The following SCYL2 variants were observed in gnomAD, a reference collection of about 807,000 sequenced individuals.
SCYL2 encodes the protein SCY1 like pseudokinase 2, also known as SCY1-like protein 2.
A neutral mutation model predicts 100.4 loss-of-function variants in SCYL2; 36 were observed. The ratio of observed to expected loss-of-function variants is 0.36; its 90% CI spans 0.27 to 0.47. The LOEUF (loss-of-function observed/expected upper bound fraction) is 0.47, where lower values mean the gene tolerates loss of function less well. Ranked by LOEUF, SCYL2 falls within the 20% of genes least tolerant of loss-of-function variation. The pLI is 1.00. For missense variants in SCYL2, 902 were observed against 1,083.9 expected (o/e 0.83, Z 2.36); for synonymous variants, 330 against 359.2 (o/e 0.92, Z 0.92).
At chr12:100,306,315 C>A (rs12831531) in intron 4 of SCYL2, among the ~76,000 whole-genome samples, 1 of 152,144 alleles carries the variant, frequency 6.6e-6, no homozygotes, top group Non-Finnish European at 1.5e-5. Context: ...ATGATCAAGT[C>A]GGCTTCATCC....
chr12:100,312,378 A>G (rs2096343180), intron 5 of SCYL2, 54 bp from the exon 6 acceptor site: 1 of 1,270,514 alleles, frequency 7.9e-7, no homozygotes, highest in African/African-American at 1.5e-5. Context: ...CTACTGCTTG[A>G]TAGTTGTTTG....
chr12:100,328,267 G>A (rs1167629821), intron 12 of SCYL2, among the ~76,000 whole-genome samples: 2 of 147,402 alleles, frequency 1.4e-5, no homozygotes, highest in Admixed American at 6.8e-5. Flanking sequence ...AACAGGGCAA[G>A]ACCCTGTCTT....
intron 1 of SCYL2, among the ~76,000 whole-genome samples, chr12:100,275,037 C>T (rs1001368496): frequency 1.3e-5 from 2 of 152,068 alleles, no homozygotes; most frequent in Admixed American, 6.6e-5. Context: ...CAGTATATAT[C>T]GTTCCATTTA....
rs1952310620 is a variant in SCYL2 at position 100,338,575 on chromosome 12, C to G, written c.2193C>G (p.Thr731=). 1 of 1,613,270 alleles carries G rather than the reference C, an allele frequency of 6.2e-7. No homozygotes were observed. Among genetic ancestry groups the G allele is most frequent in the Middle Eastern group, 1.7e-4 (1 of 6,040 alleles). ...DTLMDNMSSL[T]SLSVSTPKSS... ...TGATGGATAATATGTCATCCTTGAC[C>G]AGCCTTTCTGTTAGTACCCCTAAAT... Residue 731 remains threonine (T), a synonymous_variant, in exon 18 of 18, where the codon ACC becomes ACG. Transcript: ENST00000360820.
chr12:100,333,301 TA>T (rs1952234464), intron 13 of SCYL2, among the ~76,000 whole-genome samples: 1 of 152,178 alleles, frequency 6.6e-6, no homozygotes, highest in African/African-American at 2.4e-5. Flanking sequence ...GAGACAGGCT[TA>T]GAATGAATTC....
intron 4 of SCYL2, among the ~76,000 whole-genome samples, chr12:100,299,596 G>A (rs1002846387): frequency 1.3e-5 from 2 of 151,980 alleles, no homozygotes; most frequent in African/African-American, 4.8e-5. Context: ...GCATTTTCTA[G>A]AATTTTATAA....
chr12:100,278,776 C>T (rs1267837575), intron 1 of SCYL2, among the ~76,000 whole-genome samples: 4 of 151,824 alleles, frequency 2.6e-5, no homozygotes, highest in Non-Finnish European at 4.4e-5. Context: ...ACTACAGGCG[C>T]GTACCACCAT....
In SCYL2 at chr12:100,298,037, C is replaced by T; in HGVS notation, c.342C>T (p.Cys114=). ...VQHPLEESRD[C]LAFCTEPVFA... ...TTTTTCTTTTTTAAAACAGGGATTGCTTGGCATTTTGTACAGAACCAGTTT... is the reference window on the plus strand; with the variant it reads ...TTTTTCTTTTTTAAAACAGGGATTGTTTGGCATTTTGTACAGAACCAGTTT... The change falls in exon 4 of 18, where the codon TGC becomes TGT. Residue 114 remains cysteine, a synonymous_variant. Coordinates refer to ENST00000360820, the MANE Select transcript of SCYL2 (RefSeq NM_017988.6). The T allele has an allele frequency of 6.2e-7, 1 of 1,604,736 alleles. No homozygotes were observed. Among genetic ancestry groups the T allele is most frequent in the South Asian group, 1.1e-5 (1 of 88,224 alleles).
At chr12:100,300,330 A>G (rs1389467283) in intron 4 of SCYL2, among the ~76,000 whole-genome samples, 2 of 152,166 alleles carry the variant, frequency 1.3e-5, no homozygotes, top group South Asian at 2.1e-4. Flanking sequence ...GTGGCAAAAT[A>G]CCATCTTAAC....
intron 4 of SCYL2, among the ~76,000 whole-genome samples, chr12:100,302,081 TA>T (rs1448549372): frequency 2.0e-5 from 3 of 152,190 alleles, no homozygotes; most frequent in Non-Finnish European, 4.4e-5. Flanking sequence ...TTGGGGCCCT[TA>T]AAACTGCCTG....
At chr12:100,273,262 A>T (rs1327642099) in intron 1 of SCYL2, among the ~76,000 whole-genome samples, 1 of 151,558 alleles carries the variant, frequency 6.6e-6, no homozygotes, top group African/African-American at 2.4e-5. Context: ...TTGTGATTTT[A>T]CTCCTACAAT....
intron 1 of SCYL2, among the ~76,000 whole-genome samples, chr12:100,273,288 C>T (rs1341327023): frequency 6.6e-6 from 1 of 152,134 alleles, no homozygotes; most frequent in Non-Finnish European, 1.5e-5. Flanking sequence ...TATTCTCTAT[C>T]CAGTTTACTC....
At chr12:100,295,489 A>G (rs2135863148) in intron 3 of SCYL2, among the ~76,000 whole-genome samples, 2 of 152,194 alleles carry the variant, frequency 1.3e-5, no homozygotes, top group Non-Finnish European at 2.9e-5. Context: ...CGCGGTTAGG[A>G]GCTGGAGACC....
intron 8 of SCYL2, 107 bp downstream of exon 8, chr12:100,314,721 G>A: frequency 8.9e-7 from 1 of 1,125,066 alleles, no homozygotes; most frequent in South Asian, 1.5e-5. Context: ...TTTGCCTGAG[G>A]TACATAAATG....
chr12:100,304,468 C>T (rs1592948718), intron 4 of SCYL2, among the ~76,000 whole-genome samples: 1 of 152,112 alleles, frequency 6.6e-6, no homozygotes, highest in Non-Finnish European at 1.5e-5. Context: ...TGCACCATCC[C>T]TCATGGGACA....
chr12:100,336,720 A>G (rs1027982560), intron 16 of SCYL2, among the ~76,000 whole-genome samples: 1 of 152,078 alleles, frequency 6.6e-6, no homozygotes, highest in African/African-American at 2.4e-5. Context: ...TCTTGCTAAA[A>G]TTTTGCTCCC....
intron 4 of SCYL2, among the ~76,000 whole-genome samples, chr12:100,308,359 CTA>C (rs1051025155): frequency 3.3e-5 from 5 of 152,146 alleles, no homozygotes; most frequent in Non-Finnish European, 5.9e-5. Context: ...AAGCTGGAAA[CTA>C]TCATTCTCAG....
chr12:100,328,688 A>G (rs901527550), intron 12 of SCYL2, among the ~76,000 whole-genome samples: 4 of 152,244 alleles, frequency 2.6e-5, no homozygotes, highest in Admixed American at 2.6e-4. Context: ...AAGATTGAGT[A>G]AATAGGTGAG....
intron 11 of SCYL2, among the ~76,000 whole-genome samples, chr12:100,325,362 C>T (rs556841384): frequency 3.9e-5 from 6 of 152,176 alleles, no homozygotes; most frequent in Non-Finnish European, 7.4e-5. Context: ...GCCAACTGGC[C>T]GTTAAGGCAT....
Sources: gnomAD v4.1 joint callset for allele counts (sites outside exome capture counted in the v4.1 genomes callset) on GRCh38, gnomAD v4.1.1 for gene constraint, MANE v1.5 for transcripts, NCBI Gene and HGNC (gene_info 2026-07-23, HGNC 2026-07-21) for gene names.